ANK3: variants seen among roughly 807,000 people sequenced by gnomAD.
ANK3 encodes the protein ankyrin 3, also known as ankyrin-3.
Under a neutral mutation model 370.9 loss-of-function variants are expected in ANK3, and 57 were observed. That is an observed-to-expected ratio of 0.15 (90% CI 0.12 to 0.19). The LOEUF (loss-of-function observed/expected upper bound fraction) is 0.19. Among genes scored for constraint, ANK3 ranks in the 10% least tolerant of loss-of-function variants. The pLI, the probability that ANK3 is intolerant of heterozygous loss-of-function variation, is 1.00. For synonymous variants in ANK3, 1,929 were observed against 1,946.3 expected, an observed-to-expected ratio of 0.99 and a Z score of 0.23; for missense variants, 4,439 against 5,302.1, an observed-to-expected ratio of 0.84 and a Z score of 5.06.
chr10:60,450,395 A>G (rs890623594), intron 2 of ANK3, among the ~76,000 whole-genome samples: 5 of 152,190 alleles, frequency 3.3e-5, no homozygotes, highest in African/African-American at 1.2e-4. Context: ...TCGAGCTGCC[A>G]AAAGTATTAC....
At chr10:60,264,973 T>C (rs1330409657) in intron 5 of ANK3, among the ~76,000 whole-genome samples, 2 of 151,938 alleles carry the variant, frequency 1.3e-5, no homozygotes, top group African/African-American at 4.8e-5. Flanking sequence ...TTGTCTTTTT[T>C]CTTTTTAAAT....
chr10:60,177,205 T>C (rs1368670488), intron 18 of ANK3, among the ~76,000 whole-genome samples: 1 of 152,310 alleles, frequency 6.6e-6, no homozygotes, highest in East Asian at 1.9e-4. Context: ...CTCCATCCAC[T>C]GTAAAATGGA....
intron 1 of ANK3, among the ~76,000 whole-genome samples, chr10:60,636,572 C>A (rs2078558164): frequency 6.6e-6 from 1 of 152,102 alleles, no homozygotes; most frequent in Non-Finnish European, 1.5e-5. Flanking sequence ...TAGTAAGAGC[C>A]CAGACAGAAC....
intron 2 of ANK3, among the ~76,000 whole-genome samples, chr10:60,401,013 T>C (rs544502254): frequency 1.3e-5 from 2 of 151,722 alleles, no homozygotes; most frequent in Non-Finnish European, 2.9e-5. Context: ...GTAAAAGCCA[T>C]TTTTATTCAT....
At position 60,086,741 on chromosome 10, in the gene ANK3, T is replaced by C. The variant is rs2086779081; in HGVS notation, c.3684A>G (p.Glu1228=). The C allele has an allele frequency of 6.2e-7, 1 of 1,614,018 alleles. No individual in the cohort carries two copies. Among genetic ancestry groups the C allele is most frequent in the Admixed American group, 1.7e-5 (1 of 60,016 alleles). Residue 1228 remains glutamate, a synonymous_variant, in exon 30 of 44, where the codon GAA becomes GAG. Coordinates refer to ENST00000280772, the MANE Select transcript of ANK3 (RefSeq NM_020987.5). ...MTIPVPPPSG[E]GVSNGYKGDT... is the part of the protein sequence containing the mutation. ...CCCCTTTGTATCCATTGGATACACC[T>C]TCTCCTGAGGGCGGGGGCACCGGAA...
chr10:60,088,403 T>TAC, intron 28 of ANK3, 45 bp from the exon 29 acceptor site: 1 of 1,506,444 alleles, frequency 6.6e-7, no homozygotes, highest in Non-Finnish European at 9.2e-7. Flanking sequence ...TAAGCATATC[T>TAC]ACAACATACC....
chr10:60,171,597 T>A (rs2095796639), intron 21 of ANK3, among the ~76,000 whole-genome samples: 1 of 152,236 alleles, frequency 6.6e-6, no homozygotes, highest in Admixed American at 6.5e-5. Flanking sequence ...AATAAGCCTC[T>A]GATATCATGT....
At chr10:60,543,856 T>A (rs1364190895) in intron 2 of ANK3, among the ~76,000 whole-genome samples, 1 of 152,080 alleles carries the variant, frequency 6.6e-6, no homozygotes, top group East Asian at 1.9e-4. Context: ...CTTTCCCTAG[T>A]CAATCTGTCC....
chr10:60,444,949 G>C (rs184038978), intron 2 of ANK3, among the ~76,000 whole-genome samples: 221 of 152,034 alleles, frequency 1.5e-3, no homozygotes, highest in African/African-American at 4.9e-3. Context: ...AACTCTTTCT[G>C]CTAATATCAC....
At chr10:60,123,574 A>G (rs2093611055) in intron 25 of ANK3, among the ~76,000 whole-genome samples, 1 of 152,152 alleles carries the variant, frequency 6.6e-6, no homozygotes, top group Non-Finnish European at 1.5e-5. Flanking sequence ...CTGACTGTCA[A>G]CCTCCAGTGT....
At chr10:60,731,500 A>G (rs1353261320) in intron 1 of ANK3, among the ~76,000 whole-genome samples, 1 of 152,234 alleles carries the variant, frequency 6.6e-6, no homozygotes, top group Non-Finnish European at 1.5e-5. Flanking sequence ...CTACAGTCCA[A>G]ATTCAAAGCT....
chr10:60,317,563 T>G (rs2047703768), intron 1 of ANK3, among the ~76,000 whole-genome samples: 1 of 152,102 alleles, frequency 6.6e-6, no homozygotes, highest in Non-Finnish European at 1.5e-5. Context: ...AATCACTAAA[T>G]ATATGAAATT....
At chr10:60,132,031 TA>T (rs2094102477) in intron 25 of ANK3, among the ~76,000 whole-genome samples, 1 of 152,166 alleles carries the variant, frequency 6.6e-6, no homozygotes, top group Non-Finnish European at 1.5e-5. Flanking sequence ...CAGGCATTTT[TA>T]TACTTACAAG....
intron 7 of ANK3, among the ~76,000 whole-genome samples, chr10:60,240,151 TATAC>T (rs1266987574): frequency 1.5e-5 from 2 of 133,772 alleles, no homozygotes; most frequent in Non-Finnish European, 3.1e-5. Flanking sequence ...TACACATATA[TATAC>T]ATATATACAC....
intron 2 of ANK3, among the ~76,000 whole-genome samples, chr10:60,598,713 A>G (rs964670093): frequency 6.6e-6 from 1 of 152,230 alleles, no homozygotes; most frequent in Non-Finnish European, 1.5e-5. Context: ...AAAGTTAAAC[A>G]TCAATGTATG....
At chr10:60,455,772 T>G (rs528995726) in intron 2 of ANK3, among the ~76,000 whole-genome samples, 39 of 152,314 alleles carry the variant, frequency 2.6e-4, no homozygotes, top group African/African-American at 8.9e-4. Flanking sequence ...TTTTGGCCCT[T>G]ATCAGCCAAT....
intron 42 of ANK3, among the ~76,000 whole-genome samples, chr10:60,055,048 A>G (rs1406189128): frequency 1.3e-5 from 2 of 152,226 alleles, no homozygotes; most frequent in African/African-American, 4.8e-5. Context: ...AGTGATTAGA[A>G]ATACATGTTA....
chr10:60,702,899 A>G (rs1462996660), intron 1 of ANK3, among the ~76,000 whole-genome samples: 3 of 152,206 alleles, frequency 2.0e-5, no homozygotes, highest in Non-Finnish European at 4.4e-5. Flanking sequence ...AAAGTATCCA[A>G]GCTTGAATCT....
chr10:60,075,186 G>T lies in ANK3; in HGVS notation c.5695C>A (p.Gln1899Lys), dbSNP rs749588267. ...LSTPSSLSSS[Q>K]EILKDVAEMK... ...TCAGCTACATCTTTTAGTATCTCCT[G>T]ACTGGAAGATAAAGAAGATGGTGTA... is the stretch of plus-strand genomic sequence containing the variant. Residue 1899 changes from glutamine (Q) to lysine (K), a missense_variant, in exon 37 of 44, where the codon CAG becomes AAG. Physicochemically the swap from Gln to Lys is moderately conservative, Grantham distance 53 (BLOSUM62 1). Coordinates refer to ENST00000280772, the MANE Select transcript of ANK3 (RefSeq NM_020987.5). 5.6e-6 allele frequency: 9 copies of T among 1,614,116 alleles called. No homozygotes were observed. The South Asian group carries it at 8.8e-5, about 16-fold the overall frequency.
Sources: gnomAD v4.1 joint callset for allele counts (sites outside exome capture counted in the v4.1 genomes callset) on GRCh38, gnomAD v4.1.1 for gene constraint, MANE v1.5 for transcripts, NCBI Gene and HGNC (gene_info 2026-07-23, HGNC 2026-07-21) for gene names.